MRLN: variants seen among roughly 807,000 people sequenced by gnomAD.
The protein encoded by MRLN is myoregulin.
intron 1 of MRLN, among the ~76,000 whole-genome samples, chr10:59,748,260 T>G (rs1841062999): frequency 6.6e-6 from 1 of 152,122 alleles, no homozygotes; most frequent in Non-Finnish European, 1.5e-5. Context: ...TCGAGTAATT[T>G]GGGAAAATTT....
chr10:59,750,901 G>A (rs1457043346), intron 1 of MRLN, among the ~76,000 whole-genome samples: 1 of 152,172 alleles, frequency 6.6e-6, no homozygotes, highest in Non-Finnish European at 1.5e-5. Flanking sequence ...GGGACTAGGG[G>A]GGCTTGTTTG....
At chr10:59,745,152 C>T (rs934430771) in intron 1 of MRLN, among the ~76,000 whole-genome samples, 6 of 151,844 alleles carry the variant, frequency 4.0e-5, no homozygotes, top group African/African-American at 1.5e-4. Flanking sequence ...GAAAATGAAT[C>T]ATGGTAGTGT....
intron 1 of MRLN, among the ~76,000 whole-genome samples, chr10:59,748,808 A>G (rs1293382903): frequency 1.3e-5 from 2 of 152,200 alleles, no homozygotes; most frequent in Non-Finnish European, 2.9e-5. Context: ...ACGTGAGGAG[A>G]GTCTACCTTC....
At chr10:59,744,276 T>G (rs1284044541) in intron 1 of MRLN, 1 of 150,914 alleles carries the variant, frequency 6.6e-6, no homozygotes, top group East Asian at 2.0e-4. Flanking sequence ...TGCCCCACCG[T>G]CCCGTCTGAG....
intron 1 of MRLN, among the ~76,000 whole-genome samples, chr10:59,745,112 TAA>T (rs910161165): frequency 6.8e-6 from 1 of 146,168 alleles, no homozygotes; most frequent in Non-Finnish European, 1.5e-5. Context: ...CAATAAATAC[TAA>T]AAAAAAAATA....
chr10:59,741,022 T>A (rs1229324268), intron 1 of MRLN, among the ~76,000 whole-genome samples: 1 of 152,144 alleles, frequency 6.6e-6, no homozygotes, highest in Non-Finnish European at 1.5e-5. Context: ...GGTCTTGAGC[T>A]CCTCCCCTGA....
At chr10:59,742,128 C>G (rs367882236) in intron 1 of MRLN, among the ~76,000 whole-genome samples, 2 of 152,162 alleles carry the variant, frequency 1.3e-5, no homozygotes, top group Non-Finnish European at 2.9e-5. Context: ...ATCTGCCTAC[C>G]AAGACACATA....
intron 1 of MRLN, among the ~76,000 whole-genome samples, chr10:59,748,110 A>C (rs1011126725): frequency 7.8e-6 from 1 of 127,504 alleles, no homozygotes; most frequent in Admixed American, 8.2e-5. Flanking sequence ...TTTTTTGCTT[A>C]TAATTAGGGA....
rs181726455 is a variant in MRLN, at chr10:59,749,417, G to T, written c.-125+3937C>A. 1.0e-3 allele frequency among the ~76,000 whole-genome samples: 155 copies of T among 152,320 alleles called. 7 individuals are homozygous for T. The highest frequency in any genetic ancestry group is 3.4e-3 in the Middle Eastern group (1 of 294). On this transcript the variant is annotated intron_variant, in intron 1 of 2. Transcript: ENST00000414264. ...GGTAAAAATGTAAGCCAAGAGGCCA[G>T]GCATGGTGGCTCACACCCGTAATCC... is the stretch of plus-strand genomic sequence containing the variant.
In MRLN at chr10:59,748,307, G is replaced by A. The variant is rs151056347; in HGVS notation, c.-125+5047C>T. Among the ~76,000 whole-genome samples the A allele has an allele frequency of 3.9e-3, 592 of 152,186 alleles. 5 individuals are homozygous for A. Among genetic ancestry groups the A allele is most frequent in the African/African-American group, 0.013 (540 of 41,504 alleles). Reference sequence around the variant, plus strand: ...ATGGTAAATGGATTTTTTGTGTTCTGTAAGCTTCTAAAATTTGAGTTCAAG... The same window carrying A: ...ATGGTAAATGGATTTTTTGTGTTCTATAAGCTTCTAAAATTTGAGTTCAAG... On this transcript the variant is annotated intron_variant, in intron 1 of 2. Transcript: ENST00000414264.
chr10:59,744,536 C>T lies in MRLN; in HGVS notation c.-124-5974G>A, dbSNP rs546280873. On this transcript the variant is annotated intron_variant, in intron 1 of 2. Transcript: ENST00000414264. ...CCACCCCGTCTGGGAGGTGGGGGAG[C>T]GCGCCTCTGCCCAGCCGCCCCTACT... Among the ~76,000 whole-genome samples, 68 of 144,412 alleles carry T rather than the reference C, an allele frequency of 4.7e-4. No individual in the cohort carries two copies. The South Asian group carries it at 8.0e-3, about 17-fold the overall frequency. 94.7% of individuals were successfully genotyped at this position (144,412 alleles called of 152,430 possible). A position where few individuals can be genotyped will look rare whatever the true frequency, so the allele number is the denominator to read the frequency against.
At chr10:59,743,616 A>T (rs1841007016) in intron 1 of MRLN, among the ~76,000 whole-genome samples, 1 of 152,164 alleles carries the variant, frequency 6.6e-6, no homozygotes, top group Non-Finnish European at 1.5e-5. Context: ...GATTAAAATT[A>T]TGAGTCACAT....
intron 2 of MRLN, among the ~76,000 whole-genome samples, chr10:59,737,438 C>T (rs1240144345): frequency 6.6e-6 from 1 of 152,104 alleles, no homozygotes; most frequent in Non-Finnish European, 1.5e-5. Flanking sequence ...CTATGCCAAA[C>T]TTGCCTTTCT....
At chr10:59,749,831 G>A (rs1361476715) in intron 1 of MRLN, among the ~76,000 whole-genome samples, 1 of 152,078 alleles carries the variant, frequency 6.6e-6, no homozygotes, top group Non-Finnish European at 1.5e-5. Flanking sequence ...GGATGGAGTA[G>A]CTCAGTTAGA....
chr10:59,743,667 C>T (rs1051691059), intron 1 of MRLN, among the ~76,000 whole-genome samples: 3 of 152,008 alleles, frequency 2.0e-5, no homozygotes, highest in Non-Finnish European at 4.4e-5. Context: ...TGGGTCGTTC[C>T]CCCTCCGCCT....
intron 1 of MRLN, among the ~76,000 whole-genome samples, chr10:59,753,081 T>G (rs775645900): frequency 1.3e-5 from 2 of 152,244 alleles, no homozygotes; most frequent in Non-Finnish European, 2.9e-5. Flanking sequence ...AATCCTTTGC[T>G]TCTCCTCCTG....
intron 1 of MRLN, among the ~76,000 whole-genome samples, chr10:59,747,326 C>T (rs1344680565): frequency 1.3e-5 from 2 of 152,162 alleles, no homozygotes; most frequent in African/African-American, 4.8e-5. Flanking sequence ...AGGTCTGCCA[C>T]TGTGCATGAG....
chr10:59,751,702 G>A (rs1282946682), intron 1 of MRLN, among the ~76,000 whole-genome samples: 1 of 145,964 alleles, frequency 6.9e-6, no homozygotes, highest in African/African-American at 2.5e-5. Context: ...TGATACCCAA[G>A]GAGGAGTACT....
At chr10:59,748,302 G>C (rs531456111) in intron 1 of MRLN, among the ~76,000 whole-genome samples, 92 of 152,052 alleles carry the variant, frequency 6.1e-4, no homozygotes, top group Non-Finnish European at 1.2e-3. Context: ...GATTTTTTGT[G>C]TTCTGTAAGC....
Sources: allele counts gnomAD v4.1 joint callset (sites outside exome capture counted in the v4.1 genomes callset), GRCh38; gene constraint gnomAD v4.1.1; transcripts MANE v1.5; gene names NCBI Gene and HGNC (gene_info 2026-07-23, HGNC 2026-07-21).